Variants in ELOVL6 observed in about 807,000 individuals in gnomAD.
ELOVL6 encodes very long chain fatty acid elongase 6.
ELOVL6 carries 8 observed loss-of-function variants against 31.7 expected under a neutral mutation model. The observed-to-expected ratio is 0.25, with a 90% CI of 0.15 to 0.45. The LOEUF is 0.45. Among genes scored for constraint, ELOVL6 ranks in the 20% least tolerant of loss-of-function variants. ELOVL6 has a pLI of 1.00. For missense variants in ELOVL6, 126 were observed against 326.4 expected (o/e 0.39, Z 4.73); for synonymous variants, 101 against 117.7 (o/e 0.86, Z 0.92).
chr4:110,089,666 T>C (rs1422638730), intron 2 of ELOVL6, among the ~76,000 whole-genome samples: 2 of 152,050 alleles, frequency 1.3e-5, no homozygotes, highest in Non-Finnish European at 2.9e-5. Context: ...TTGGCTAACA[T>C]TGTCTATGAA....
intron 1 of ELOVL6, among the ~76,000 whole-genome samples, chr4:110,113,390 T>G (rs1315961): frequency 0.35 from 53,342 of 151,486 alleles, 9,677 homozygotes; most frequent in African/African-American, 0.42. Flanking sequence ...ACCAGCCTGG[T>G]CAACATACTG....
intron 1 of ELOVL6, among the ~76,000 whole-genome samples, chr4:110,154,757 T>C (rs763374654): frequency 6.6e-6 from 1 of 152,200 alleles, no homozygotes; most frequent in Non-Finnish European, 1.5e-5. Flanking sequence ...TGGTGCTACA[T>C]GAAAGGGAAG....
chr4:110,115,983 G>T (rs1451943413), intron 1 of ELOVL6, among the ~76,000 whole-genome samples: 1 of 152,020 alleles, frequency 6.6e-6, no homozygotes, highest in Non-Finnish European at 1.5e-5. Context: ...CTGTTTCCAT[G>T]GTCACGTCAC....
At chr4:110,115,941 C>A (rs1158112015) in intron 1 of ELOVL6, among the ~76,000 whole-genome samples, 8 of 152,154 alleles carry the variant, frequency 5.3e-5, no homozygotes, top group Non-Finnish European at 7.3e-5. Context: ...ATGGCTGCCT[C>A]CTTCTCCATC....
chr4:110,137,650 T>C (rs1366440050), intron 1 of ELOVL6, among the ~76,000 whole-genome samples: 7 of 152,216 alleles, frequency 4.6e-5, no homozygotes, highest in Non-Finnish European at 4.4e-5. Context: ...GAATGTGGAT[T>C]TTTTTAAGCA....
chr4:110,081,440 A>G (rs913891304), intron 2 of ELOVL6, among the ~76,000 whole-genome samples: 1 of 152,206 alleles, frequency 6.6e-6, no homozygotes, highest in South Asian at 2.1e-4. Flanking sequence ...ATAATGCCAC[A>G]TATCTACAAC....
chr4:110,124,353 C>T (rs544162482), intron 1 of ELOVL6, among the ~76,000 whole-genome samples: 42 of 152,260 alleles, frequency 2.8e-4, no homozygotes, highest in Non-Finnish European at 4.1e-4. Flanking sequence ...GGTATATATA[C>T]ACCATGGAAC....
At chr4:110,113,001 G>A (rs1448936764) in intron 1 of ELOVL6, among the ~76,000 whole-genome samples, 1 of 151,934 alleles carries the variant, frequency 6.6e-6, no homozygotes, top group Non-Finnish European at 1.5e-5. Context: ...GAGGCAGGCA[G>A]ATCACGAGGT....
At chr4:110,162,036 T>G (rs1004834709) in intron 1 of ELOVL6, among the ~76,000 whole-genome samples, 4 of 152,172 alleles carry the variant, frequency 2.6e-5, no homozygotes, top group Admixed American at 2.6e-4. Context: ...AATTGTGTGG[T>G]TGGGGAAAGG....
intron 1 of ELOVL6, among the ~76,000 whole-genome samples, chr4:110,191,310 A>AAT (rs1759614964): frequency 6.6e-6 from 1 of 152,214 alleles, no homozygotes; most frequent in African/African-American, 2.4e-5. Flanking sequence ...TTAACATTAC[A>AAT]ATATAGCCAA....
chr4:110,158,657 A>ATATATATATATATATATATT, intron 1 of ELOVL6, among the ~76,000 whole-genome samples: 4 of 74,160 alleles, frequency 5.4e-5, no homozygotes, highest in African/African-American at 1.7e-4. Context: ...ATATATATAT[A>ATATATATATATATATATATT]TTTTTTTTTT....
chr4:110,054,712 T>C (rs1393148020), intron 3 of ELOVL6, among the ~76,000 whole-genome samples: 1 of 152,082 alleles, frequency 6.6e-6, no homozygotes, highest in African/African-American at 2.4e-5. Context: ...TGGGCTAGTG[T>C]GGGATGGAAA....
intron 1 of ELOVL6, 130 bp from the exon 2 acceptor site, chr4:110,105,758 A>T: frequency 2.5e-6 from 2 of 812,266 alleles, no homozygotes; most frequent in South Asian, 1.8e-5. Context: ...CTGAAGAGGG[A>T]GTCTAGTCTA....
rs1754838940 is a variant in ELOVL6 at position 110,051,619 on chromosome 4, C to T, written c.517G>A (p.Val173Met). The T allele has an allele frequency of 1.2e-6, 2 of 1,614,058 alleles. No homozygotes were observed. The highest frequency in any genetic ancestry group is 1.7e-6 in the Non-Finnish European group (2 of 1,180,034). The change falls in exon 4 of 4, where the codon GTG (valine) becomes ATG (methionine). Residue 173 changes from valine (V) to methionine (M), a missense_variant. By Grantham distance (21) the Val-to-Met change is conservative. Around this residue, in one of 3 missense-constraint regions of ELOVL6, gnomAD observed 53 missense variants for 193.4 expected, o/e 0.27. Transcript: ENST00000302274. The surrounding 1 kb of genome is among the most constrained non-coding windows in gnomAD (Gnocchi z 4.8). ...TAGTAAGAGTACATCACGGCGTGCA[C>T]GCCATAGTTCATAGTCATGAACCAA... ...GGWFMTMNYGVHAVMYSYYAL... is the reference protein window; with the variant it reads ...GGWFMTMNYGMHAVMYSYYAL...
chr4:110,185,416 A>G (rs1759409130), intron 1 of ELOVL6, among the ~76,000 whole-genome samples: 1 of 152,026 alleles, frequency 6.6e-6, no homozygotes, highest in South Asian at 2.1e-4. Flanking sequence ...TCCTACCCCC[A>G]CTCAAGAGCA....
intron 1 of ELOVL6, among the ~76,000 whole-genome samples, chr4:110,178,323 G>A (rs779029248): frequency 2.1e-4 from 32 of 152,088 alleles, no homozygotes; most frequent in Admixed American, 4.6e-4. Context: ...CAAGGTGGGC[G>A]GATCTTGAGG....
chr4:110,080,951 G>C (rs1188597033), intron 2 of ELOVL6, among the ~76,000 whole-genome samples: 1 of 152,000 alleles, frequency 6.6e-6, no homozygotes, highest in African/African-American at 2.4e-5. Flanking sequence ...ACCAACAACA[G>C]ACTAACAGAG....
chr4:110,129,559 G>C (rs1430420082), intron 1 of ELOVL6, among the ~76,000 whole-genome samples: 1 of 152,212 alleles, frequency 6.6e-6, no homozygotes, highest in Non-Finnish European at 1.5e-5. Flanking sequence ...TATGAAAACA[G>C]GAGTTGCCAG....
At position 110,137,220 on chromosome 4, in the gene ELOVL6, G is replaced by A. The variant is rs148539051; in HGVS notation, c.90-31592C>T. Among the ~76,000 whole-genome samples, 420 of 152,250 alleles carry A rather than the reference G, an allele frequency of 2.8e-3. 1 individual carries two copies. The highest frequency in any genetic ancestry group is 9.1e-3 in the African/African-American group (380 of 41,550). ...TAGTTCCTTCCAGCATTAGAATTCC[G>A]TGATTCTCTGACTCTGAGCCTGGAT... On this transcript the variant is annotated intron_variant, in intron 1 of 3. Coordinates refer to ENST00000302274, the MANE Select transcript of ELOVL6 (RefSeq NM_024090.3).
Sources: gnomAD v4.1 joint callset for allele counts (sites outside exome capture counted in the v4.1 genomes callset) on GRCh38, gnomAD v4.1.1 for gene constraint, gnomAD v4.1.1 regional missense constraint, Gnocchi (gnomAD v3.1) non-coding constraint, MANE v1.5 for transcripts, NCBI Gene and HGNC (gene_info 2026-07-23, HGNC 2026-07-21) for gene names.